The following TADA2A variants were observed in gnomAD, a reference collection of about 807,000 sequenced individuals.
The protein encoded by TADA2A is transcriptional adapter 2-alpha.
A neutral mutation model predicts 67.4 loss-of-function variants in TADA2A; 38 were observed. The ratio of observed to expected loss-of-function variants is 0.56; its 90% CI spans 0.44 to 0.74. The LOEUF (loss-of-function observed/expected upper bound fraction) is 0.74. Among genes scored for constraint, TADA2A ranks in the 30% least tolerant of loss-of-function variants. TADA2A has a pLI of 0.00. For missense variants in TADA2A, 454 were observed against 547.0 expected, an observed-to-expected ratio of 0.83 and a Z score of 1.70; for synonymous variants, 192 against 181.6, an observed-to-expected ratio of 1.06 and a Z score of -0.46.
intron 6 of TADA2A, among the ~76,000 whole-genome samples, 189 bp from the exon 7 acceptor site, chr17:37,442,375 A>G (rs1024761174): frequency 6.6e-6 from 1 of 151,910 alleles, no homozygotes; most frequent in South Asian, 2.1e-4. Flanking sequence ...AAATTTCCCC[A>G]TATTTACTTA....
intron 6 of TADA2A, among the ~76,000 whole-genome samples, chr17:37,442,313 A>G (rs894986870): frequency 6.7e-6 from 1 of 149,888 alleles, no homozygotes; most frequent in Admixed American, 6.7e-5. Context: ...CTGTAATATT[A>G]AAGGAAAAAA....
chr17:37,417,527 A>G (rs2052089026), intron 2 of TADA2A, among the ~76,000 whole-genome samples: 1 of 152,102 alleles, frequency 6.6e-6, no homozygotes, highest in East Asian at 1.9e-4. Flanking sequence ...CAATATGTCT[A>G]CATATGTGAT....
At chr17:37,423,367 A>T (rs1007855916) in intron 2 of TADA2A, 142 bp from the exon 3 acceptor site, 1 of 592,054 alleles carries the variant, frequency 1.7e-6, no homozygotes, top group Non-Finnish European at 2.9e-6. Flanking sequence ...GCTTTTTTTT[A>T]TTTGTAATGA....
intron 11 of TADA2A, 74 bp from the exon 12 acceptor site, chr17:37,467,380 T>C: frequency 8.2e-7 from 1 of 1,223,896 alleles, no homozygotes. Flanking sequence ...ATGAAAATGC[T>C]CAATAGCAAA....
At chr17:37,432,263 C>G (rs2052592788) in intron 4 of TADA2A, among the ~76,000 whole-genome samples, 1 of 152,084 alleles carries the variant, frequency 6.6e-6, no homozygotes, top group South Asian at 2.1e-4. Context: ...CTCCCGGGTT[C>G]AAGCAGTTCT....
At chr17:37,467,318 C>T in intron 11 of TADA2A, 136 bp from the exon 12 acceptor site, 1 of 647,740 alleles carries the variant, frequency 1.5e-6, no homozygotes, top group South Asian at 2.2e-5. Context: ...GAGAAGTTAC[C>T]AACGAGTAGG....
intron 1 of TADA2A, among the ~76,000 whole-genome samples, chr17:37,408,177 G>A (rs936448891): frequency 6.6e-6 from 1 of 152,042 alleles, no homozygotes; most frequent in African/African-American, 2.4e-5. Context: ...GTGAGCCACC[G>A]CACCCGGCCT....
intron 2 of TADA2A, 137 bp from the exon 3 acceptor site, chr17:37,423,372 T>TA: frequency 1.6e-6 from 1 of 625,498 alleles, no homozygotes; most frequent in Non-Finnish European, 2.7e-6. Context: ...TTTTTATTTG[T>TA]AATGAGCTCA....
At chr17:37,424,617 T>G (rs1215489934) in intron 3 of TADA2A, among the ~76,000 whole-genome samples, 1 of 150,962 alleles carries the variant, frequency 6.6e-6, no homozygotes, top group Non-Finnish European at 1.5e-5. Context: ...AGTGCAATGG[T>G]GTGATCTTGG....
At chr17:37,445,142 A>C (rs1217278943) in intron 8 of TADA2A, among the ~76,000 whole-genome samples, 1 of 152,202 alleles carries the variant, frequency 6.6e-6, no homozygotes, top group Non-Finnish European at 1.5e-5. Flanking sequence ...AATGTTCACT[A>C]TATTTTGTTA....
intron 3 of TADA2A, among the ~76,000 whole-genome samples, chr17:37,424,632 C>G (rs1285050640): frequency 2.0e-5 from 3 of 152,120 alleles, no homozygotes; most frequent in Non-Finnish European, 4.4e-5. Flanking sequence ...TCTTGGCTCA[C>G]CGCAACCTCT....
At chr17:37,429,059 AAAG>A (rs989291281) in intron 4 of TADA2A, among the ~76,000 whole-genome samples, 1 of 151,460 alleles carries the variant, frequency 6.6e-6, no homozygotes, top group South Asian at 2.1e-4. Context: ...AAAAAAAAAA[AAAG>A]AAAAAGAAAA....
chr17:37,407,172 C>T (rs1393130056), intron 1 of TADA2A: 3 of 151,034 alleles, frequency 2.0e-5, no homozygotes, highest in South Asian at 2.0e-4. Context: ...CCGGGCCTGA[C>T]CCCGGGGGCC....
intron 3 of TADA2A, among the ~76,000 whole-genome samples, chr17:37,425,911 C>T (rs1767917464): frequency 6.6e-6 from 1 of 151,314 alleles, no homozygotes; most frequent in African/African-American, 2.4e-5. Context: ...ATCACCTCAG[C>T]CTCCCAGAAT....
At chr17:37,467,815 C>G (rs2053698529) in intron 12 of TADA2A, among the ~76,000 whole-genome samples, 1 of 152,188 alleles carries the variant, frequency 6.6e-6, no homozygotes, top group South Asian at 2.1e-4. Flanking sequence ...GGTGCAGTGG[C>G]TCACACCTGT....
chr17:37,475,942 C>T (rs762486447), intron 15 of TADA2A, among the ~76,000 whole-genome samples: 10 of 152,192 alleles, frequency 6.6e-5, no homozygotes, highest in Non-Finnish European at 1.5e-4. Context: ...TCCTCTTTTG[C>T]TCCTCATATG....
intron 2 of TADA2A, among the ~76,000 whole-genome samples, chr17:37,414,072 A>G (rs1360502036): frequency 6.6e-6 from 1 of 151,876 alleles, no homozygotes; most frequent in Non-Finnish European, 1.5e-5. Flanking sequence ...TTCCTGTGTT[A>G]GTTTGCTTAG....
At chr17:37,418,583 A>T (rs558768958) in intron 2 of TADA2A, among the ~76,000 whole-genome samples, 3 of 151,262 alleles carry the variant, frequency 2.0e-5, no homozygotes, top group African/African-American at 7.3e-5. Flanking sequence ...ATGATATTCC[A>T]CTTTTTCTTT....
At chr17:37,408,618 A>G (rs564556404) in intron 1 of TADA2A, 1 of 152,246 alleles carries the variant, frequency 6.6e-6, no homozygotes. Context: ...ATACTCTTTC[A>G]GAGCTTGCTT....
Sources: allele counts gnomAD v4.1 joint callset (sites outside exome capture counted in the v4.1 genomes callset), GRCh38; gene constraint gnomAD v4.1.1; transcripts MANE v1.5; gene names NCBI Gene and HGNC (gene_info 2026-07-23, HGNC 2026-07-21).